The following STK32B variants were observed in gnomAD, a reference collection of about 807,000 sequenced individuals.
STK32B encodes serine/threonine-protein kinase 32B.
STK32B carries 43 observed loss-of-function variants against 52.6 expected under a neutral mutation model. The observed-to-expected ratio is 0.82, with a 90% CI of 0.64 to 1.05. The LOEUF (loss-of-function observed/expected upper bound fraction) is 1.05, where lower values mean the gene tolerates loss of function less well. STK32B is among the 50% of genes least tolerant of loss of function. The pLI is 0.00. For missense variants in STK32B, 621 were observed against 534.6 expected, an observed-to-expected ratio of 1.16 and a Z score of -1.59; for synonymous variants, 238 against 204.3, an observed-to-expected ratio of 1.17 and a Z score of -1.41.
At chr4:5,355,451 CTCTT>C (rs1171508563) in intron 4 of STK32B, among the ~76,000 whole-genome samples, 5 of 152,168 alleles carry the variant, frequency 3.3e-5, no homozygotes, top group African/African-American at 9.7e-5. Flanking sequence ...ATGATTATCT[CTCTT>C]TAAGAAATGC....
At chr4:5,165,237 C>G (rs1327926785) in intron 2 of STK32B, among the ~76,000 whole-genome samples, 3 of 152,178 alleles carry the variant, frequency 2.0e-5, no homozygotes, top group African/African-American at 7.2e-5. Context: ...CTCTTATTTG[C>G]AAATCAAAAC....
intron 11 of STK32B, among the ~76,000 whole-genome samples, chr4:5,482,395 T>C (rs1377538428): frequency 1.3e-5 from 2 of 152,200 alleles, no homozygotes; most frequent in African/African-American, 2.4e-5. Context: ...TTGTCTGTTA[T>C]TGGTGTATTA....
intron 6 of STK32B, among the ~76,000 whole-genome samples, chr4:5,430,810 A>C (rs1713514369): frequency 6.6e-6 from 1 of 152,174 alleles, no homozygotes; most frequent in Non-Finnish European, 1.5e-5. Flanking sequence ...GTTGGGTTTT[A>C]GTGTGGTTAC....
In STK32B at chr4:5,498,926, G is replaced by A. The variant is rs1720506879; in HGVS notation, c.1107-19G>A. 14 of 1,608,558 alleles carry A rather than the reference G, an allele frequency of 8.7e-6. No homozygotes were observed. The highest frequency in any genetic ancestry group is 1.2e-5 in the Non-Finnish European group (14 of 1,177,074). The stretch of plus-strand genomic sequence containing the variant: ...AACCCCATGCCGCACCACTAACTCA[G>A]ATCTGTGCTTGTTTGCAGGCTCAGG... On this transcript the variant is annotated intron_variant, in intron 11 of 11. Transcript: ENST00000282908.
intron 3 of STK32B, among the ~76,000 whole-genome samples, chr4:5,281,774 G>T (rs1003718085): frequency 1.3e-5 from 2 of 152,162 alleles, no homozygotes; most frequent in Non-Finnish European, 2.9e-5. Context: ...CCATCTGGGG[G>T]ATGGAAGAGG....
At chr4:5,228,393 A>G (rs1383265964) in intron 3 of STK32B, among the ~76,000 whole-genome samples, 2 of 152,206 alleles carry the variant, frequency 1.3e-5, no homozygotes, top group Non-Finnish European at 2.9e-5. Context: ...CTTTTCACGC[A>G]ACAGGGACAC....
At chr4:5,213,327 A>T (rs1723010637) in intron 3 of STK32B, among the ~76,000 whole-genome samples, 1 of 152,194 alleles carries the variant, frequency 6.6e-6, no homozygotes, top group African/African-American at 2.4e-5. Context: ...TGTCTCATAC[A>T]GTCTATTCTC....
At chr4:5,112,410 A>G (rs1714452883) in intron 1 of STK32B, among the ~76,000 whole-genome samples, 1 of 152,176 alleles carries the variant, frequency 6.6e-6, no homozygotes, top group Non-Finnish European at 1.5e-5. Flanking sequence ...CCAATCTGAA[A>G]GCCTACAGGC....
chr4:5,456,449 G>A lies in STK32B; in HGVS notation c.667-358G>A, dbSNP rs1716529652. 2.0e-5 allele frequency among the ~76,000 whole-genome samples: 3 copies of A among 152,360 alleles called. No individual in the cohort carries two copies. The South Asian group carries it at 6.2e-4, about 32-fold the overall frequency. On this transcript the variant is annotated intron_variant, in intron 7 of 11. Coordinates refer to ENST00000282908, the MANE Select transcript of STK32B (RefSeq NM_018401.3). ...GCTATGACTGGAGGTGTCCGTGGGT[G>A]CCTGGTGGACGGCAAGAGTCAGCCC...
At chr4:5,051,074 T>C (rs772354544), upstream of STK32B, among the ~76,000 whole-genome samples, 9 of 152,166 alleles carry the variant, frequency 5.9e-5, no homozygotes, top group South Asian at 2.1e-4. Flanking sequence ...ACAGCGTCGG[T>C]TGGAGAGCCA....
At chr4:5,364,869 T>C (rs1560354919) in intron 4 of STK32B, among the ~76,000 whole-genome samples, 1 of 150,872 alleles carries the variant, frequency 6.6e-6, no homozygotes, top group African/African-American at 2.5e-5. Flanking sequence ...TGGAAAAAAA[T>C]GTTATTATTA....
intron 5 of STK32B, among the ~76,000 whole-genome samples, chr4:5,402,965 A>G (rs574977300): frequency 3.5e-4 from 53 of 152,326 alleles, no homozygotes; most frequent in African/African-American, 1.2e-3. Context: ...TGGGATGGGT[A>G]CAGTGGGATT....
intron 3 of STK32B, among the ~76,000 whole-genome samples, chr4:5,192,035 A>C (rs1443280695): frequency 6.6e-6 from 1 of 152,184 alleles, no homozygotes; most frequent in Non-Finnish European, 1.5e-5. Flanking sequence ...AACTGTAGAG[A>C]CATAGAAAAC....
In STK32B at chr4:5,141,885, G is replaced by A. The variant is rs926297413; in HGVS notation, c.108+1925G>A. On this transcript the variant is annotated intron_variant, in intron 2 of 11. Transcript: ENST00000282908. ...CCTATCTAATGGTTTAGAGGTTGCC[G>A]AGTTCTGTGTATCACATCTTCACAC... Among the ~76,000 whole-genome samples the A allele has an allele frequency of 6.6e-5, 10 of 152,058 alleles. No homozygotes were observed. The East Asian group carries it at 1.2e-3, about 18-fold the overall frequency.
rs560477111 is a variant in STK32B at position 5,278,164 on chromosome 4, A to G, written c.261-53056A>G. On this transcript the variant is annotated intron_variant, in intron 3 of 11. Transcript: ENST00000282908. ...TTCTGGCAAGGTGATGGGCTAGTCTATGACATGAAGAGCCTCTCAGTAAAA... is the reference window on the plus strand; with the variant it reads ...TTCTGGCAAGGTGATGGGCTAGTCTGTGACATGAAGAGCCTCTCAGTAAAA... Among the ~76,000 whole-genome samples, 13 of 152,334 alleles carry G rather than the reference A, an allele frequency of 8.5e-5. No individual in the cohort carries two copies. The South Asian group carries it at 2.5e-3, about 29-fold the overall frequency.
intron 2 of STK32B, among the ~76,000 whole-genome samples, chr4:5,158,156 T>G (rs1180631360): frequency 6.6e-6 from 1 of 152,170 alleles, no homozygotes; most frequent in Non-Finnish European, 1.5e-5. Context: ...TTGGTGGACC[T>G]CATTGCTCAT....
chr4:5,241,218 A>C (rs1490841471), intron 3 of STK32B, among the ~76,000 whole-genome samples: 2 of 152,106 alleles, frequency 1.3e-5, no homozygotes, highest in Non-Finnish European at 2.9e-5. Context: ...TTGATTTTCA[A>C]GTCATGGATT....
chr4:5,393,956 G>A (rs770133396), intron 4 of STK32B, among the ~76,000 whole-genome samples: 1 of 152,034 alleles, frequency 6.6e-6, no homozygotes, highest in African/African-American at 2.4e-5. Flanking sequence ...TAAAATAGCC[G>A]CAGATTTTTA....
chr4:5,061,582 A>T (rs1742219642), intron 1 of STK32B, among the ~76,000 whole-genome samples: 1 of 152,154 alleles, frequency 6.6e-6, no homozygotes, highest in Non-Finnish European at 1.5e-5. Context: ...GCTTTGAATG[A>T]TATTATATTT....
Sources: gnomAD v4.1 joint callset for allele counts (sites outside exome capture counted in the v4.1 genomes callset) on GRCh38, gnomAD v4.1.1 for gene constraint, MANE v1.5 for transcripts, NCBI Gene and HGNC (gene_info 2026-07-23, HGNC 2026-07-21) for gene names.